Variants in SCFD2 observed in about 807,000 individuals in gnomAD.
SCFD2 encodes sec1 family domain containing 2, also known as sec1 family domain-containing protein 2.
A neutral mutation model predicts 58.9 loss-of-function variants in SCFD2; 54 were observed. That is an observed-to-expected ratio of 0.92 (90% CI 0.74 to 1.15). SCFD2 has a LOEUF of 1.15. SCFD2 is among the 50% of genes most tolerant of loss of function. The pLI is 0.00. For missense variants in SCFD2, 805 were observed against 836.6 expected (o/e 0.96, Z 0.47); for synonymous variants, 321 against 335.9 (o/e 0.96, Z 0.49).
At position 53,295,677 on chromosome 4, in the gene SCFD2, A is replaced by G. The variant is rs185978351; in HGVS notation, c.1135+17959T>C. Among the ~76,000 whole-genome samples the G allele has an allele frequency of 1.2e-4, 19 of 152,316 alleles. No individual in the cohort carries two copies. In the East Asian group the frequency reaches 3.3e-3, roughly 26 times the overall value. ...GATGAGAACTTCCAATACTACGTTG[A>G]AAAGGAGTGGTGAGAGAGGGCATAC... On this transcript the variant is annotated intron_variant, in intron 3 of 8. Coordinates refer to ENST00000401642, the MANE Select transcript of SCFD2 (RefSeq NM_152540.4).
rs534361387 is a variant in SCFD2 at position 53,057,578 on chromosome 4, T to C, written c.1561+87755A>G. Among the ~76,000 whole-genome samples the C allele has an allele frequency of 7.9e-5, 12 of 152,042 alleles. No homozygotes were observed. In the East Asian group the frequency reaches 1.9e-3, roughly 25 times the overall value. On this transcript the variant is annotated intron_variant, in intron 5 of 8. Transcript: ENST00000401642. ...GGGTGGGGGGTGAGGGGAGGGAACT[T>C]AGAGGACGGGTCAATAGGTGCAGCA...
intron 4 of SCFD2, among the ~76,000 whole-genome samples, chr4:53,185,636 A>T (rs1055924641): frequency 6.6e-6 from 1 of 152,060 alleles, no homozygotes; most frequent in African/African-American, 2.4e-5. Flanking sequence ...TTAAGCTGGA[A>T]TTACTCTATT....
chr4:52,914,943 G>T (rs1435420494), intron 6 of SCFD2, among the ~76,000 whole-genome samples: 2 of 152,020 alleles, frequency 1.3e-5, no homozygotes, highest in Admixed American at 1.3e-4. Flanking sequence ...TTCAAGAAAT[G>T]AATCCTTAAA....
chr4:53,190,324 CT>C (rs1243305044), intron 4 of SCFD2, among the ~76,000 whole-genome samples: 5 of 152,180 alleles, frequency 3.3e-5, no homozygotes, highest in Non-Finnish European at 7.3e-5. Context: ...CCTACAGGCT[CT>C]GTTTGACCTC....
chr4:52,932,324 C>T (rs552715457), intron 5 of SCFD2, among the ~76,000 whole-genome samples: 12 of 152,308 alleles, frequency 7.9e-5, no homozygotes, highest in African/African-American at 2.4e-4. Flanking sequence ...ACCTCTGTCA[C>T]AGCTAATTGT....
chr4:52,885,681 G>A (rs991019807), intron 8 of SCFD2, 66 bp downstream of exon 8: 3 of 1,589,850 alleles, frequency 1.9e-6, no homozygotes, highest in Non-Finnish European at 2.6e-6. Context: ...CATAGGTGGA[G>A]GGCCCTCACC....
intron 4 of SCFD2, among the ~76,000 whole-genome samples, chr4:53,228,684 G>A (rs1176926045): frequency 1.3e-5 from 2 of 152,000 alleles, no homozygotes; most frequent in Non-Finnish European, 2.9e-5. Flanking sequence ...GGCAAAAACT[G>A]GAAGCATTCC....
chr4:52,900,407 G>A (rs1482310877), intron 7 of SCFD2, among the ~76,000 whole-genome samples: 1 of 152,180 alleles, frequency 6.6e-6, no homozygotes, highest in Non-Finnish European at 1.5e-5. Flanking sequence ...GAGCTTACTG[G>A]AGGTCCACTG....
chr4:53,110,249 G>T (rs1215467207), intron 5 of SCFD2, among the ~76,000 whole-genome samples: 1 of 152,098 alleles, frequency 6.6e-6, no homozygotes, highest in African/African-American at 2.4e-5. Context: ...ACTCAAGATG[G>T]ATTAAAATAT....
intron 4 of SCFD2, among the ~76,000 whole-genome samples, chr4:53,163,914 T>C: frequency 6.6e-6 from 1 of 152,218 alleles, no homozygotes; most frequent in East Asian, 1.9e-4. Context: ...TCTCCTCCTC[T>C]TTTAAAAATG....
intron 2 of SCFD2, among the ~76,000 whole-genome samples, chr4:53,343,136 C>CA (rs200029039): frequency 0.074 from 11,278 of 152,012 alleles, 467 homozygotes; most frequent in Middle Eastern, 0.13. Flanking sequence ...GACAGAGACA[C>CA]AAAAAACCCA....
intron 4 of SCFD2, among the ~76,000 whole-genome samples, chr4:53,218,889 T>A (rs1480310742): frequency 3.3e-5 from 5 of 152,124 alleles, no homozygotes; most frequent in Non-Finnish European, 7.4e-5. Flanking sequence ...AGGTCTGAGT[T>A]TGCTGGATGT....
chr4:53,090,212 T>C (rs900828106), intron 5 of SCFD2, among the ~76,000 whole-genome samples: 2 of 152,150 alleles, frequency 1.3e-5, no homozygotes, highest in Non-Finnish European at 1.5e-5. Context: ...AAAAAGAGGA[T>C]GACAAGTGAA....
At chr4:53,180,525 A>G (rs1727512977) in intron 4 of SCFD2, among the ~76,000 whole-genome samples, 1 of 152,208 alleles carries the variant, frequency 6.6e-6, no homozygotes, top group African/African-American at 2.4e-5. Flanking sequence ...AATTTATAGC[A>G]CTAAATGCCC....
chr4:53,114,947 C>G (rs1725279014), intron 5 of SCFD2, among the ~76,000 whole-genome samples: 1 of 151,932 alleles, frequency 6.6e-6, no homozygotes, highest in Admixed American at 6.6e-5. Context: ...TATGTGTATT[C>G]TAATCCCTAG....
At chr4:53,306,510 T>G (rs924544367) in intron 3 of SCFD2, among the ~76,000 whole-genome samples, 28 of 152,348 alleles carry the variant, frequency 1.8e-4, no homozygotes, top group African/African-American at 6.7e-4. Flanking sequence ...ATTAATTCAA[T>G]GAAAACTATT....
At chr4:53,351,175 G>T (rs1258819532) in intron 2 of SCFD2, among the ~76,000 whole-genome samples, 2 of 152,210 alleles carry the variant, frequency 1.3e-5, no homozygotes, top group African/African-American at 4.8e-5. Context: ...GCTTGGAAGT[G>T]TATCTAGCTC....
chr4:53,202,715 G>A (rs1728287446), intron 4 of SCFD2, among the ~76,000 whole-genome samples: 1 of 152,092 alleles, frequency 6.6e-6, no homozygotes, highest in African/African-American at 2.4e-5. Context: ...GCAGTGGTTT[G>A]TAGTTCTCCT....
chr4:53,020,257 C>A (rs906217206), intron 5 of SCFD2, among the ~76,000 whole-genome samples: 1 of 152,128 alleles, frequency 6.6e-6, no homozygotes, highest in African/African-American at 2.4e-5. Flanking sequence ...TTAGATGATG[C>A]CTTTTCAAAT....
Sources: gnomAD v4.1 joint callset for allele counts (sites outside exome capture counted in the v4.1 genomes callset) on GRCh38, gnomAD v4.1.1 for gene constraint, MANE v1.5 for transcripts, NCBI Gene and HGNC (gene_info 2026-07-23, HGNC 2026-07-21) for gene names.